Variants in FILIP1L observed in about 807,000 individuals in gnomAD.
FILIP1L encodes filamin A-interacting protein 1-like.
In FILIP1L, 55 loss-of-function variants were observed where a neutral mutation model predicts 96.6. The ratio of observed to expected loss-of-function variants is 0.57; its 90% CI spans 0.46 to 0.71. FILIP1L has a LOEUF of 0.71. Ranked by LOEUF, FILIP1L falls within the 30% of genes least tolerant of loss-of-function variation. The probability of loss-of-function intolerance (pLI) is 0.00; values close to 1 mark genes in which losing one functional copy is unlikely to be tolerated. For synonymous variants in FILIP1L, 467 were observed against 473.9 expected, an observed-to-expected ratio of 0.99 and a Z score of 0.19; for missense variants, 1,304 against 1,321.2, an observed-to-expected ratio of 0.99 and a Z score of 0.20.
chr3:99,966,720 TGTA>T (rs929480596), intron 1 of FILIP1L, among the ~76,000 whole-genome samples: 5 of 152,232 alleles, frequency 3.3e-5, no homozygotes, highest in African/African-American at 1.2e-4. Context: ...TTCTAATAAA[TGTA>T]GTGTGTCAGA....
intron 1 of FILIP1L, among the ~76,000 whole-genome samples, chr3:99,946,354 A>G (rs148723934): frequency 1.3e-5 from 2 of 152,360 alleles, no homozygotes; most frequent in African/African-American, 4.8e-5. Flanking sequence ...GAATTTGGAA[A>G]TTTTTTGTTA....
intron 1 of FILIP1L, among the ~76,000 whole-genome samples, chr3:100,014,758 G>T (rs936123333): frequency 6.8e-6 from 1 of 146,188 alleles, no homozygotes; most frequent in Non-Finnish European, 1.5e-5. Flanking sequence ...CAGATGATTG[G>T]TTCACAAATG....
intron 4 of FILIP1L, among the ~76,000 whole-genome samples, chr3:99,920,469 C>T (rs1200571258): frequency 1.3e-5 from 2 of 152,176 alleles, no homozygotes; most frequent in Non-Finnish European, 2.9e-5. Context: ...TAGACTCCAC[C>T]TGTAATTCAG....
At chr3:100,065,717 C>G (rs560200686) in intron 1 of FILIP1L, among the ~76,000 whole-genome samples, 108 of 152,276 alleles carry the variant, frequency 7.1e-4, no homozygotes, top group Non-Finnish European at 1.4e-3. Context: ...TCATCACCAC[C>G]TGTATTCTTG....
chr3:100,064,671 AT>A (rs1174104503), intron 1 of FILIP1L, among the ~76,000 whole-genome samples: 2 of 152,198 alleles, frequency 1.3e-5, no homozygotes, highest in African/African-American at 4.8e-5. Flanking sequence ...GGAACTTTTT[AT>A]TTCCACTTGC....
intron 4 of FILIP1L, among the ~76,000 whole-genome samples, chr3:99,887,436 G>T (rs1455631494): frequency 6.6e-6 from 1 of 152,134 alleles, no homozygotes; most frequent in African/African-American, 2.4e-5. Context: ...AGCAGAGCTG[G>T]GCCTCTGCAG....
chr3:100,088,328 C>T (rs62285472), intron 1 of FILIP1L, among the ~76,000 whole-genome samples: 2,498 of 152,100 alleles, frequency 0.016, 31 homozygotes, highest in Non-Finnish European at 0.025. Context: ...TTCAGTGTAA[C>T]GCTCAGACAT....
At chr3:99,898,944 T>A (rs1186871145) in intron 4 of FILIP1L, among the ~76,000 whole-genome samples, 1 of 152,150 alleles carries the variant, frequency 6.6e-6, no homozygotes, top group East Asian at 1.9e-4. Context: ...TATTTCAAAC[T>A]ACTCTCTTAT....
rs555819875 is a variant in FILIP1L, at chr3:100,074,675, A to ATTT, written c.-11+39375_-11+39377dup. On this transcript the variant is annotated intron_variant, in intron 1 of 5. Coordinates refer to ENST00000477258, the MANE Select transcript of FILIP1L (RefSeq NM_001387850.1). ...ATTTTCTATGCATGTGCAACATTTG[A>ATTT]TTTTTTTTTTTTTTTTTTTTTTTTT... 7.2e-4 allele frequency among the ~76,000 whole-genome samples: 25 copies of ATTT among 34,796 alleles called. 8 individuals are homozygous for ATTT. The highest frequency in any genetic ancestry group is 9.9e-4 in the Non-Finnish European group (20 of 20,244). 22.8% of individuals were successfully genotyped at this position (34,796 alleles called of 152,430 possible). A position where few individuals can be genotyped will look rare whatever the true frequency, so the allele number is the denominator to read the frequency against.
At chr3:99,909,074 C>G (rs770242359) in intron 4 of FILIP1L, among the ~76,000 whole-genome samples, 18 of 152,106 alleles carry the variant, frequency 1.2e-4, no homozygotes, top group Non-Finnish European at 2.2e-4. Context: ...GAATGCTTAC[C>G]TGGAAAATGT....
chr3:100,049,974 G>C (rs2065342718), intron 1 of FILIP1L, among the ~76,000 whole-genome samples: 1 of 152,102 alleles, frequency 6.6e-6, no homozygotes, highest in African/African-American at 2.4e-5. Flanking sequence ...CTTCTGAGTT[G>C]TTCAAAGGAC....
At chr3:100,021,914 ATT>A (rs1559728518) in intron 1 of FILIP1L, among the ~76,000 whole-genome samples, 1 of 86,592 alleles carries the variant, frequency 1.2e-5, no homozygotes, top group Non-Finnish European at 2.2e-5. Context: ...GCTAGATCCC[ATT>A]GTGTGTGTGT....
chr3:99,961,752 T>C (rs899124167), intron 1 of FILIP1L, among the ~76,000 whole-genome samples: 1 of 152,196 alleles, frequency 6.6e-6, no homozygotes, highest in Non-Finnish European at 1.5e-5. Context: ...TTTGTAGATA[T>C]TTAAAGATAA....
chr3:100,005,718 TAGC>T (rs1184033018), intron 1 of FILIP1L, among the ~76,000 whole-genome samples: 1 of 152,222 alleles, frequency 6.6e-6, no homozygotes, highest in East Asian at 1.9e-4. Context: ...CAGAAAATGT[TAGC>T]AGTCATAATA....
At chr3:99,998,129 A>G (rs1186996383) in intron 1 of FILIP1L, among the ~76,000 whole-genome samples, 2 of 152,246 alleles carry the variant, frequency 1.3e-5, no homozygotes, top group Non-Finnish European at 2.9e-5. Context: ...TGTACTACTG[A>G]AAGAGTTTCT....
intron 2 of FILIP1L, among the ~76,000 whole-genome samples, chr3:99,930,273 T>C (rs1707435809): frequency 6.6e-6 from 1 of 152,242 alleles, no homozygotes. Flanking sequence ...TTTTTTATTA[T>C]GTTTGACAAG....
Position 99,850,042 on chromosome 3 carries a change from CT to C in FILIP1L, c.1633del (p.Arg545GlyfsTer9). On this transcript the variant is annotated frameshift_variant, in exon 5 of 6. Coordinates refer to ENST00000477258, the MANE Select transcript of FILIP1L (RefSeq NM_001387850.1). LOFTEE classifies it high-confidence loss of function. ...TACATCGGTTTTGGACTTGAGCGCC[CT>C]TTTAGTTTCCTCAATTAACTTCTCA... ...VTEKLIEETK[R>X]ALKSKTDVEE... 6.2e-7 allele frequency: 1 copy of C among 1,611,050 alleles called. No homozygotes were observed. Among genetic ancestry groups the C allele is most frequent in the South Asian group, 1.1e-5 (1 of 89,854 alleles).
At chr3:99,852,595 A>AC in intron 4 of FILIP1L, among the ~76,000 whole-genome samples, 1 of 152,076 alleles carries the variant, frequency 6.6e-6, no homozygotes, top group African/African-American at 2.4e-5. Flanking sequence ...ATAGGCACGC[A>AC]CCACCACGCC....
chr3:100,019,484 A>C (rs1576645761), intron 1 of FILIP1L, among the ~76,000 whole-genome samples: 1 of 152,370 alleles, frequency 6.6e-6, no homozygotes, highest in African/African-American at 2.4e-5. Flanking sequence ...AGTTCTTTAA[A>C]AATTTATTTT....
Sources: gnomAD v4.1 joint callset for allele counts (sites outside exome capture counted in the v4.1 genomes callset) on GRCh38, gnomAD v4.1.1 for gene constraint, MANE v1.5 for transcripts, NCBI Gene and HGNC (gene_info 2026-07-23, HGNC 2026-07-21) for gene names.